Variants in PREX1 observed in about 807,000 individuals in gnomAD.
The protein encoded by PREX1 is phosphatidylinositol 3,4,5-trisphosphate-dependent Rac exchanger 1 protein.
In PREX1, 41 loss-of-function variants were observed where a neutral mutation model predicts 198.3. The observed-to-expected ratio is 0.21, with a 90% CI of 0.16 to 0.27. The LOEUF (loss-of-function observed/expected upper bound fraction) is 0.27, where lower values mean the gene tolerates loss of function less well. PREX1 is among the 10% of genes least tolerant of loss of function. The pLI is 1.00. For synonymous variants in PREX1, 843 were observed against 887.2 expected (o/e 0.95, Z 0.89); for missense variants, 1,620 against 2,200.7 (o/e 0.74, Z 5.28).
chr20:48,797,947 A>C (rs2090370541), intron 1 of PREX1, among the ~76,000 whole-genome samples: 1 of 152,132 alleles, frequency 6.6e-6, no homozygotes, highest in Non-Finnish European at 1.5e-5. Context: ...GTCCCCATTC[A>C]AGGGGGTGCC....
chr20:48,694,272 C>T (rs763117589), intron 7 of PREX1, among the ~76,000 whole-genome samples: 2 of 152,158 alleles, frequency 1.3e-5, no homozygotes, highest in Non-Finnish European at 2.9e-5. Context: ...CCTGAAGGGA[C>T]TAAAACAGTC....
At chr20:48,695,620 A>G (rs528887942) in intron 7 of PREX1, among the ~76,000 whole-genome samples, 11 of 152,372 alleles carry the variant, frequency 7.2e-5, no homozygotes, top group Admixed American at 6.5e-4. Flanking sequence ...GTATGTGTAC[A>G]GTAGGAGCTC....
intron 1 of PREX1, among the ~76,000 whole-genome samples, chr20:48,815,333 A>T (rs149858044): frequency 6.6e-6 from 1 of 152,342 alleles, no homozygotes; most frequent in East Asian, 1.9e-4. Flanking sequence ...CAGAAGACAC[A>T]TTCTTTTCAA....
At chr20:48,788,943 C>G (rs986086228) in intron 1 of PREX1, among the ~76,000 whole-genome samples, 1 of 152,062 alleles carries the variant, frequency 6.6e-6, no homozygotes, top group Non-Finnish European at 1.5e-5. Flanking sequence ...CTCTTTAGAA[C>G]CCCCAAGAAC....
At chr20:48,849,631 T>A in the PREX1 span, among the ~76,000 whole-genome samples, 1 of 152,224 alleles carries the variant, frequency 6.6e-6, no homozygotes, top group African/African-American at 2.4e-5. Context: ...CATAGATCTT[T>A]CCACATCCAC....
chr20:48,854,232 T>A, the PREX1 span, among the ~76,000 whole-genome samples: 1 of 152,118 alleles, frequency 6.6e-6, no homozygotes, highest in Non-Finnish European at 1.5e-5. Context: ...CCCCACTTAG[T>A]AGGAAATTTC....
At chr20:48,754,882 C>T (rs982424199) in intron 1 of PREX1, among the ~76,000 whole-genome samples, 15 of 152,146 alleles carry the variant, frequency 9.9e-5, no homozygotes, top group Non-Finnish European at 7.4e-5. Context: ...GGGGCTTACA[C>T]AGCCTGCTGC....
chr20:48,768,179 GTTCTT>G, intron 1 of PREX1, among the ~76,000 whole-genome samples: 1 of 152,274 alleles, frequency 6.6e-6, no homozygotes, highest in Admixed American at 6.5e-5. Context: ...ATCTCTCAGT[GTTCTT>G]TTGAGGATTC....
chr20:48,634,768 T>C lies in PREX1; in HGVS notation c.4175A>G (p.Glu1392Gly), dbSNP rs755047814. Reference protein sequence around the residue: ...SLLSPATVKEERTMLEDIWVT... With the variant: ...SLLSPATVKEGRTMLEDIWVT... Reference sequence around the variant, plus strand: ...CCAGATGTCCTCCAGCATGGTCCGTTCCTCCTTCTGCAGGAAGAAGACAGC... The same window carrying C: ...CCAGATGTCCTCCAGCATGGTCCGTCCCTCCTTCTGCAGGAAGAAGACAGC... The change falls in exon 33 of 40, where the codon GAA (glutamate) becomes GGA (glycine). Residue 1392 changes from glutamate (E) to glycine (G), a missense_variant. Transcript: ENST00000371941. 16 of 1,613,946 alleles carry C rather than the reference T, an allele frequency of 9.9e-6. No individual in the cohort carries two copies. The highest frequency in any genetic ancestry group is 1.4e-5 in the Non-Finnish European group (16 of 1,179,934).
the PREX1 span, among the ~76,000 whole-genome samples, chr20:48,848,653 C>A: frequency 2.6e-5 from 4 of 152,210 alleles, no homozygotes; most frequent in East Asian, 7.7e-4. Context: ...CCAGTCCCCC[C>A]AGAATAACTA....
chr20:48,875,293 G>A, the PREX1 span, among the ~76,000 whole-genome samples: 3 of 152,190 alleles, frequency 2.0e-5, no homozygotes, highest in Admixed American at 6.5e-5. Context: ...CAGAGGGAAC[G>A]GCGGGTGCGA....
At chr20:48,750,960 T>C (rs192080926) in intron 1 of PREX1, among the ~76,000 whole-genome samples, 4 of 152,314 alleles carry the variant, frequency 2.6e-5, no homozygotes, top group East Asian at 1.9e-4. Context: ...AGTGGAATCA[T>C]AGGAATACAG....
the PREX1 span, among the ~76,000 whole-genome samples, chr20:48,842,816 A>C: frequency 6.6e-6 from 1 of 151,892 alleles, no homozygotes; most frequent in Non-Finnish European, 1.5e-5. Context: ...CAGTTTTTGC[A>C]TCTATAAATG....
chr20:48,767,795 T>C (rs2426093), intron 1 of PREX1, among the ~76,000 whole-genome samples: 51,507 of 151,518 alleles, frequency 0.34, 10,029 homozygotes, highest in Non-Finnish European at 0.43. Flanking sequence ...TCCCCGCCCC[T>C]CATCGTCACT....
At chr20:48,710,492 C>A (rs2089925398) in intron 5 of PREX1, among the ~76,000 whole-genome samples, 1 of 152,184 alleles carries the variant, frequency 6.6e-6, no homozygotes. Flanking sequence ...CAGGTAGGCA[C>A]CATTATTCTT....
intron 23 of PREX1, 21 bp from the exon 24 acceptor site, chr20:48,650,227 AG>A (rs1398065896): frequency 1.9e-6 from 3 of 1,589,452 alleles, no homozygotes; most frequent in Non-Finnish European, 2.6e-6. Flanking sequence ...GGAGGCCGTA[AG>A]GTCGTGAATC....
At chr20:48,642,308 C>T in intron 28 of PREX1, 50 bp from the exon 29 acceptor site, 1 of 1,606,420 alleles carries the variant, frequency 6.2e-7, no homozygotes, top group East Asian at 2.2e-5. Flanking sequence ...GCCCTACACA[C>T]TGCAGACATC....
chr20:48,801,691 C>G (rs1411355807), intron 1 of PREX1, among the ~76,000 whole-genome samples: 1 of 152,202 alleles, frequency 6.6e-6, no homozygotes, highest in Non-Finnish European at 1.5e-5. Context: ...ATCTTTGTCC[C>G]CTGCTATGGT....
chr20:48,756,185 C>T (rs910806209), intron 1 of PREX1, among the ~76,000 whole-genome samples: 1 of 152,244 alleles, frequency 6.6e-6, no homozygotes, highest in Non-Finnish European at 1.5e-5. Context: ...GGGACCCCCA[C>T]AAGCTGGCCT....
Sources: gnomAD v4.1 joint callset for allele counts (sites outside exome capture counted in the v4.1 genomes callset) on GRCh38, gnomAD v4.1.1 for gene constraint, MANE v1.5 for transcripts, NCBI Gene and HGNC (gene_info 2026-07-23, HGNC 2026-07-21) for gene names.